The following PTGER3 variants were observed in gnomAD, a reference collection of about 807,000 sequenced individuals.
The protein encoded by PTGER3 is prostaglandin E receptor 3.
Under a neutral mutation model 34.7 loss-of-function variants are expected in PTGER3, and 22 were observed. The ratio of observed to expected loss-of-function variants is 0.63; its 90% CI spans 0.45 to 0.91. PTGER3 has a LOEUF of 0.91. Ranked by LOEUF, PTGER3 falls within the 40% of genes least tolerant of loss-of-function variation. The probability of loss-of-function intolerance (pLI) is 0.00; values close to 1 mark genes in which losing one functional copy is unlikely to be tolerated. For missense variants in PTGER3, 468 were observed against 519.4 expected, an observed-to-expected ratio of 0.90 and a Z score of 0.96; for synonymous variants, 241 against 230.1, an observed-to-expected ratio of 1.05 and a Z score of -0.43.
chr1:70,898,078 G>A (rs1402983895), intron 4 of PTGER3, among the ~76,000 whole-genome samples: 3 of 152,096 alleles, frequency 2.0e-5, no homozygotes, highest in Admixed American at 1.3e-4. Flanking sequence ...TTAATAGTGT[G>A]TATTTAGTGT....
chr1:70,938,772 G>GC (rs965580998), intron 4 of PTGER3, among the ~76,000 whole-genome samples: 2 of 152,132 alleles, frequency 1.3e-5, no homozygotes, highest in Non-Finnish European at 2.9e-5. Flanking sequence ...GGAAAGACCA[G>GC]CCCCCATGAT....
chr1:70,930,785 C>T (rs907432472), intron 4 of PTGER3, among the ~76,000 whole-genome samples: 12 of 152,234 alleles, frequency 7.9e-5, no homozygotes, highest in South Asian at 2.1e-4. Context: ...CCACAGAACA[C>T]GGGAATTATG....
intron 1 of PTGER3, among the ~76,000 whole-genome samples, chr1:71,013,724 C>G (rs1460319190): frequency 6.8e-6 from 1 of 147,366 alleles, no homozygotes; most frequent in African/African-American, 2.5e-5. Flanking sequence ...AAAAAGAAAA[C>G]AAATTGGAAC....
At chr1:70,994,637 T>C (rs992611428) in intron 2 of PTGER3, among the ~76,000 whole-genome samples, 2 of 152,038 alleles carry the variant, frequency 1.3e-5, no homozygotes, top group Non-Finnish European at 2.9e-5. Flanking sequence ...TTTGTATTTT[T>C]AGTAGAGACA....
chr1:70,994,752 A>C (rs1481112598), intron 2 of PTGER3, among the ~76,000 whole-genome samples: 1 of 152,186 alleles, frequency 6.6e-6, no homozygotes, highest in Non-Finnish European at 1.5e-5. Context: ...CATTGCGACC[A>C]GCCAAAACTT....
chr1:71,012,317 T>C lies in PTGER3; in HGVS notation c.1065A>G (p.Arg355=), dbSNP rs761581133. The C allele has an allele frequency of 1.9e-6, 3 of 1,614,056 alleles. No homozygotes were observed. The highest frequency in any genetic ancestry group is 2.2e-5 in the South Asian group (2 of 91,082). Residue 355 remains arginine (R), a synonymous_variant, in exon 2 of 4, where the codon CGA becomes CGG. Coordinates refer to ENST00000306666, the MANE Select transcript of PTGER3 (RefSeq NM_198719.2). The part of the protein sequence containing the change: ...VYLLLRKILL[R]KFCQIRYHTN... ...CAGCATTTGCTACCTGGCAAAACTT[T>C]CGAAGAAGGATCTTTCTTAACAGCA...
chr1:70,935,365 A>G (rs1318374332), intron 4 of PTGER3, among the ~76,000 whole-genome samples: 2 of 151,944 alleles, frequency 1.3e-5, no homozygotes, highest in Non-Finnish European at 2.9e-5. Flanking sequence ...CCTTCTGCCT[A>G]CTCTTTCTTC....
chr1:70,863,962 T>A (rs1428073875), intron 4 of PTGER3, among the ~76,000 whole-genome samples: 1 of 152,124 alleles, frequency 6.6e-6, no homozygotes, highest in African/African-American at 2.4e-5. Flanking sequence ...TCATGGAAGG[T>A]TCTTGAGCAG....
intron 1 of PTGER3, among the ~76,000 whole-genome samples, chr1:71,027,085 T>C (rs1658992002): frequency 6.6e-6 from 1 of 152,206 alleles, no homozygotes; most frequent in Admixed American, 6.5e-5. Flanking sequence ...AAACAAGTAA[T>C]AATAAAACAG....
At chr1:70,910,334 T>C (rs1647034900) in intron 4 of PTGER3, among the ~76,000 whole-genome samples, 1 of 152,226 alleles carries the variant, frequency 6.6e-6, no homozygotes, top group African/African-American at 2.4e-5. Context: ...ATATGTGCCA[T>C]AATCTCTGGT....
At chr1:70,909,549 C>G (rs1647020113) in intron 4 of PTGER3, among the ~76,000 whole-genome samples, 1 of 152,146 alleles carries the variant, frequency 6.6e-6, no homozygotes, top group African/African-American at 2.4e-5. Context: ...GAAGATCTCT[C>G]CCAGCAGCAG....
At chr1:70,919,379 C>T (rs951090028) in intron 4 of PTGER3, among the ~76,000 whole-genome samples, 1 of 152,054 alleles carries the variant, frequency 6.6e-6, no homozygotes, top group Admixed American at 6.6e-5. Context: ...TTCTCAGAAC[C>T]CATCATGAAA....
At chr1:70,959,730 A>G (rs1003752676) in intron 2 of PTGER3, among the ~76,000 whole-genome samples, 2 of 151,884 alleles carry the variant, frequency 1.3e-5, no homozygotes, top group Non-Finnish European at 2.9e-5. Flanking sequence ...TGTCATTGAG[A>G]TTTTTATTCA....
At chr1:70,939,074 C>G (rs1649513887) in intron 4 of PTGER3, among the ~76,000 whole-genome samples, 1 of 152,144 alleles carries the variant, frequency 6.6e-6, no homozygotes, top group Non-Finnish European at 1.5e-5. Context: ...TTCCTAGATA[C>G]AATAGGGGTA....
downstream of PTGER3, among the ~76,000 whole-genome samples, chr1:70,967,494 T>G (rs55930797): frequency 0.13 from 19,247 of 152,048 alleles, 1,841 homozygotes; most frequent in African/African-American, 0.26. Context: ...ATAATGAAAA[T>G]AAAGCTGTCG....
intron 4 of PTGER3, among the ~76,000 whole-genome samples, chr1:70,916,163 G>A (rs1259979875): frequency 6.6e-6 from 1 of 151,886 alleles, no homozygotes; most frequent in Non-Finnish European, 1.5e-5. Flanking sequence ...TCAGATAAAT[G>A]CAAATCAAAA....
intron 4 of PTGER3, among the ~76,000 whole-genome samples, chr1:70,937,464 A>G (rs1400561430): frequency 6.6e-6 from 1 of 152,170 alleles, no homozygotes; most frequent in Non-Finnish European, 1.5e-5. Context: ...TCATCAGCAT[A>G]TGGACATAAA....
intron 2 of PTGER3, among the ~76,000 whole-genome samples, chr1:70,980,743 A>G (rs999881571): frequency 2.6e-5 from 4 of 152,208 alleles, no homozygotes; most frequent in Non-Finnish European, 4.4e-5. Context: ...TATTTCAGCC[A>G]TAACAAACAG....
chr1:70,976,266 C>T (rs981416114), intron 2 of PTGER3, among the ~76,000 whole-genome samples: 3 of 152,014 alleles, frequency 2.0e-5, no homozygotes, highest in African/African-American at 7.3e-5. Flanking sequence ...TAATAGTGGA[C>T]GCGTCATTAT....
Sources: allele counts gnomAD v4.1 joint callset (sites outside exome capture counted in the v4.1 genomes callset), GRCh38; gene constraint gnomAD v4.1.1; transcripts MANE v1.5; gene names NCBI Gene and HGNC (gene_info 2026-07-23, HGNC 2026-07-21).